The following PRKN variants were observed in gnomAD, a reference collection of about 807,000 sequenced individuals.
The protein encoded by PRKN is E3 ubiquitin-protein ligase parkin.
A neutral mutation model predicts 59.5 loss-of-function variants in PRKN; 56 were observed. The ratio of observed to expected loss-of-function variants is 0.94; its 90% CI spans 0.76 to 1.18. The LOEUF (loss-of-function observed/expected upper bound fraction) is 1.18. Ranked by LOEUF, PRKN falls within the 50% of genes most tolerant of loss-of-function variation. PRKN has a pLI of 0.00. For missense variants in PRKN, 657 were observed against 596.4 expected, an observed-to-expected ratio of 1.10 and a Z score of -1.06; for synonymous variants, 250 against 222.1, an observed-to-expected ratio of 1.13 and a Z score of -1.12.
At chr6:162,286,531 A>T (rs1054623382) in intron 2 of PRKN, among the ~76,000 whole-genome samples, 1 of 152,224 alleles carries the variant, frequency 6.6e-6, no homozygotes, top group East Asian at 1.9e-4. Flanking sequence ...ATGTGGGATT[A>T]GCATAAGCAG....
rs1785375463 is a variant in PRKN, at chr6:161,369,988, C to G, written c.1168-9783G>C. 1 of 444,792 alleles carries G rather than the reference C, an allele frequency of 2.2e-6. No homozygotes were observed. The highest frequency in any genetic ancestry group is 4.6e-6 in the Non-Finnish European group (1 of 218,830). 27.6% of individuals were successfully genotyped at this position (444,792 alleles called of 1,614,324 possible). A position where few individuals can be genotyped will look rare whatever the true frequency, so the allele number is the denominator to read the frequency against. The stretch of plus-strand genomic sequence containing the variant: ...CACAGAGCCAGGTGCACCCTGAATG[C>G]TAACCGTGTGTTTTCTATGATCACC... On this transcript the variant is annotated intron_variant, in intron 10 of 11. Transcript: ENST00000366898. This position sits in a 1 kb window ranked among gnomAD's most constrained non-coding sequence, Gnocchi z 5.8.
At chr6:162,436,606 G>T (rs1031321543) in intron 2 of PRKN, among the ~76,000 whole-genome samples, 1 of 140,828 alleles carries the variant, frequency 7.1e-6, no homozygotes, top group Non-Finnish European at 1.5e-5. Flanking sequence ...CACTGTGCCC[G>T]ATCTGGCTCA....
In PRKN at chr6:161,597,434, C is replaced by T. The variant is rs1420294341; in HGVS notation, c.872-28018G>A. 2.0e-5 allele frequency among the ~76,000 whole-genome samples: 3 copies of T among 152,318 alleles called. No homozygotes were observed. The East Asian group carries it at 5.8e-4, about 29-fold the overall frequency. On this transcript the variant is annotated intron_variant, in intron 7 of 11. Transcript: ENST00000366898. ...AGTTAAAGAATGACCGAATGGTGAA[C>T]ATGCCTTGGAATTCGAGATAGTGAC...
At chr6:161,699,702 T>C (rs1379184522) in intron 7 of PRKN, among the ~76,000 whole-genome samples, 1 of 152,104 alleles carries the variant, frequency 6.6e-6, no homozygotes, top group Non-Finnish European at 1.5e-5. Context: ...TGGTTGCCTA[T>C]GGATGGGGAA....
chr6:162,333,278 T>C (rs1583395919), intron 2 of PRKN, among the ~76,000 whole-genome samples: 1 of 150,298 alleles, frequency 6.7e-6, no homozygotes, highest in Non-Finnish European at 1.5e-5. Context: ...CAGGCTAGAG[T>C]GCACATGCAG....
Position 161,576,566 on chromosome 6 carries a change from C to T in PRKN, c.872-7150G>A, listed in dbSNP as rs1781137243. The stretch of plus-strand genomic sequence containing the variant: ...TTGTGCACCCACTTTGTGCCAGGCA[C>T]TATTACGACACTTGGGTCGCAGCCG... On this transcript the variant is annotated intron_variant, in intron 7 of 11. Transcript: ENST00000366898. This position sits in a 1 kb window ranked among gnomAD's most constrained non-coding sequence, Gnocchi z 4.6. Among the ~76,000 whole-genome samples, 1 of 152,192 alleles carries T rather than the reference C, an allele frequency of 6.6e-6. No homozygotes were observed. Among genetic ancestry groups the T allele is most frequent in the Non-Finnish European group, 1.5e-5 (1 of 68,042 alleles).
At chr6:161,449,305 T>G (rs997710205) in intron 9 of PRKN, among the ~76,000 whole-genome samples, 2 of 152,050 alleles carry the variant, frequency 1.3e-5, no homozygotes, top group African/African-American at 2.4e-5. Flanking sequence ...CTTCAACAAC[T>G]TAAAACACAA....
intron 7 of PRKN, among the ~76,000 whole-genome samples, chr6:161,757,869 CTCTG>C (rs1455158293): frequency 9.4e-6 from 1 of 105,930 alleles, no homozygotes; most frequent in African/African-American, 4.6e-5. Flanking sequence ...CTCTCTCTCT[CTCTG>C]TGTATATATA....
chr6:162,568,858 T>C, intron 1 of PRKN: 1 of 716,092 alleles, frequency 1.4e-6, no homozygotes, highest in Admixed American at 1.8e-5. Flanking sequence ...AAGGATGAGA[T>C]CAATAAGTGT....
intron 1 of PRKN, among the ~76,000 whole-genome samples, chr6:162,444,593 C>G (rs1271641501): frequency 6.6e-6 from 1 of 152,126 alleles, no homozygotes; most frequent in East Asian, 1.9e-4. Flanking sequence ...CCTCCATGGC[C>G]CACTTCAAAT....
chr6:162,259,837 C>G (rs1415577642), intron 3 of PRKN, among the ~76,000 whole-genome samples: 6 of 152,192 alleles, frequency 3.9e-5, no homozygotes, highest in African/African-American at 1.4e-4. Flanking sequence ...TGGACAAAAA[C>G]TCCATCCTCA....
In PRKN at chr6:161,426,780, G is replaced by A. The variant is rs916754677; in HGVS notation, c.1084-39903C>T. Among the ~76,000 whole-genome samples, 49 of 151,946 alleles carry A rather than the reference G, an allele frequency of 3.2e-4. 1 individual carries two copies. Among genetic ancestry groups the A allele is most frequent in the Admixed American group, 2.6e-3 (40 of 15,242 alleles). ...GTCACCCAGGCTGGAGTGCAGTGGC[G>A]CAATCTCGGCTCACTGCAAGCTCTG... is the stretch of plus-strand genomic sequence containing the variant. On this transcript the variant is annotated intron_variant, in intron 9 of 11. Coordinates refer to ENST00000366898, the MANE Select transcript of PRKN (RefSeq NM_004562.3).
chr6:161,493,706 C>T (rs559117340), intron 9 of PRKN, among the ~76,000 whole-genome samples: 26 of 152,308 alleles, frequency 1.7e-4, no homozygotes, highest in Middle Eastern at 3.4e-3. Context: ...GAGTTGATTC[C>T]GCATAGAGCA....
chr6:162,031,710 A>G (rs1438606293), intron 5 of PRKN, among the ~76,000 whole-genome samples: 4 of 151,910 alleles, frequency 2.6e-5, no homozygotes, highest in African/African-American at 9.7e-5. Flanking sequence ...TTGTATTTTT[A>G]GTAGACACAA....
intron 3 of PRKN, among the ~76,000 whole-genome samples, chr6:162,213,801 CCATACACACA>C (rs1252127162): frequency 1.2e-3 from 79 of 67,460 alleles, no homozygotes; most frequent in African/African-American, 3.8e-3. Context: ...CAAAAAAAAA[CCATACACACA>C]CACACACACA....
chr6:161,727,458 C>A (rs901795571), intron 7 of PRKN, among the ~76,000 whole-genome samples: 4 of 152,136 alleles, frequency 2.6e-5, no homozygotes, highest in African/African-American at 9.7e-5. Flanking sequence ...TTTTAGATAA[C>A]AAGGATGTAA....
intron 2 of PRKN, among the ~76,000 whole-genome samples, chr6:162,398,406 T>C (rs1354419360): frequency 1.3e-5 from 2 of 152,192 alleles, no homozygotes; most frequent in East Asian, 3.9e-4. Context: ...TTTTTTTTTT[T>C]TGAGACAGAG....
At chr6:162,081,146 G>A (rs1779039477) in intron 4 of PRKN, among the ~76,000 whole-genome samples, 1 of 152,078 alleles carries the variant, frequency 6.6e-6, no homozygotes, top group South Asian at 2.1e-4. Flanking sequence ...AGTCATCCAT[G>A]AGGGTTAGAA....
rs542936346 is a variant in PRKN at position 161,597,838 on chromosome 6, A to G, written c.872-28422T>C. ...GTCTGTCCTCTGATCCAGCGTGCGCACACACACACACACACACACATATTC... is the reference window on the plus strand; with the variant it reads ...GTCTGTCCTCTGATCCAGCGTGCGCGCACACACACACACACACACATATTC... On this transcript the variant is annotated intron_variant, in intron 7 of 11. Coordinates refer to ENST00000366898, the MANE Select transcript of PRKN (RefSeq NM_004562.3). Among the ~76,000 whole-genome samples, 65 of 141,304 alleles carry G rather than the reference A, an allele frequency of 4.6e-4. 1 individual carries two copies. Among genetic ancestry groups the G allele is most frequent in the Admixed American group, 1.8e-3 (27 of 14,660 alleles). 92.7% of individuals were successfully genotyped at this position (141,304 alleles called of 152,430 possible).
Sources: gnomAD v4.1 joint callset for allele counts (sites outside exome capture counted in the v4.1 genomes callset) on GRCh38, gnomAD v4.1.1 for gene constraint, Gnocchi (gnomAD v3.1) non-coding constraint, MANE v1.5 for transcripts, NCBI Gene and HGNC (gene_info 2026-07-23, HGNC 2026-07-21) for gene names.